ARHGAP6: variants seen among roughly 807,000 people sequenced by gnomAD.
ARHGAP6 encodes Rho GTPase activating protein 6, also known as rho GTPase-activating protein 6.
Under a neutral mutation model 55.7 loss-of-function variants are expected in ARHGAP6, and 16 were observed. The ratio of observed to expected loss-of-function variants is 0.29; its 90% CI spans 0.19 to 0.44. The LOEUF is 0.44. ARHGAP6 is among the 20% of genes least tolerant of loss of function. The pLI, the probability that ARHGAP6 is intolerant of heterozygous loss-of-function variation, is 1.00. For missense variants in ARHGAP6, 698 were observed against 808.9 expected (o/e 0.86, Z 1.66); for synonymous variants, 382 against 360.9 (o/e 1.06, Z -0.66).
chrX:11,211,886 C>A (rs2046808325), intron 2 of ARHGAP6, among the ~76,000 whole-genome samples: 1 of 111,636 alleles, frequency 9.0e-6, no homozygotes, highest in Non-Finnish European at 1.9e-5. Flanking sequence ...AGGAAAACAC[C>A]TTTAACTTAG....
intron 2 of ARHGAP6, among the ~76,000 whole-genome samples, chrX:11,230,322 C>T (rs553692331): frequency 7.2e-5 from 8 of 111,405 alleles, no homozygotes; most frequent in Admixed American, 6.7e-4. Context: ...CTCAGCCTCC[C>T]GAGTAGCTGG....
chrX:11,310,211 A>T (rs1428560759), intron 1 of ARHGAP6, among the ~76,000 whole-genome samples: 1 of 10,582 alleles, frequency 9.5e-5, no homozygotes, highest in East Asian at 1.4e-3. Context: ...GGATAGCTTT[A>T]AAAAAAAAAA....
chrX:11,621,169 C>A (rs760432473), intron 1 of ARHGAP6, among the ~76,000 whole-genome samples: 33 of 111,887 alleles, frequency 2.9e-4, no homozygotes, highest in Admixed American at 2.6e-3. Context: ...AACGGACATA[C>A]ATGAACAGAG....
intron 12 of ARHGAP6, 133 bp from the exon 13 acceptor site, chrX:11,139,663 C>A: frequency 6.3e-6 from 4 of 631,016 alleles, no homozygotes; most frequent in Non-Finnish European, 8.9e-6. Flanking sequence ...GCACAGTATG[C>A]TCTTAGCTGC....
At chrX:11,287,277 A>G (rs1405578109) in intron 1 of ARHGAP6, among the ~76,000 whole-genome samples, 1 of 111,662 alleles carries the variant, frequency 9.0e-6, no homozygotes, top group Non-Finnish European at 1.9e-5. Flanking sequence ...AGACTTATCT[A>G]TTTCCAGTTG....
chrX:11,460,577 C>T (rs915020682), intron 1 of ARHGAP6, among the ~76,000 whole-genome samples: 2 of 111,877 alleles, frequency 1.8e-5, no homozygotes, highest in African/African-American at 6.5e-5. Context: ...GAATATACTG[C>T]TCCTTAAAAA....
In ARHGAP6 at chrX:11,557,479, A is replaced by C. The variant is rs757358522; in HGVS notation, c.588+106762T>G. ...TTTTGTTTTGTGTTGTGTTTTCTGA[A>C]AGGCAAAAAAAAAAAATTATGAAGA... On this transcript the variant is annotated intron_variant, in intron 1 of 12. Transcript: ENST00000337414. 6.4e-5 allele frequency among the ~76,000 whole-genome samples: 6 copies of C among 93,943 alleles called. No homozygotes were observed. In the South Asian group the frequency reaches 2.9e-3, roughly 45 times the overall value. 81.6% of individuals were successfully genotyped at this position (93,943 alleles called of 115,157 possible).
chrX:11,190,909 C>T (rs1172296028), intron 3 of ARHGAP6, among the ~76,000 whole-genome samples: 1 of 112,413 alleles, frequency 8.9e-6, no homozygotes, highest in Non-Finnish European at 1.9e-5. Context: ...CAACTCTTCA[C>T]ACCTGCTGTA....
intron 3 of ARHGAP6, among the ~76,000 whole-genome samples, chrX:11,195,687 A>G (rs1319777797): frequency 9.1e-6 from 1 of 110,170 alleles, no homozygotes; most frequent in African/African-American, 3.3e-5. Flanking sequence ...GAAAGTGAGA[A>G]TTGAAAAACC....
chrX:11,387,808 G>GT (rs1381695861), intron 1 of ARHGAP6, among the ~76,000 whole-genome samples: 2 of 111,116 alleles, frequency 1.8e-5, no homozygotes, highest in Non-Finnish European at 3.8e-5. Flanking sequence ...GCGGTGTTTG[G>GT]TTTTTTGTCC....
intron 10 of ARHGAP6, among the ~76,000 whole-genome samples, chrX:11,150,409 T>C (rs1321917553): frequency 9.5e-6 from 1 of 105,461 alleles, no homozygotes; most frequent in East Asian, 2.8e-4. Context: ...TGTACCTCTA[T>C]ATACATGGTT....
chrX:11,567,566 A>AAAAAATATATATATATATAT (rs1440758737), intron 1 of ARHGAP6, among the ~76,000 whole-genome samples: 1 of 84,409 alleles, frequency 1.2e-5, no homozygotes, highest in South Asian at 5.4e-4. Flanking sequence ...AAAAAAAAAA[A>AAAAAATATATATATATATAT]ATATATATAT....
intron 1 of ARHGAP6, among the ~76,000 whole-genome samples, chrX:11,364,854 A>G (rs1249789332): frequency 9.0e-6 from 1 of 111,104 alleles, no homozygotes; most frequent in Non-Finnish European, 1.9e-5. Context: ...CTTTTCTGCC[A>G]TTTTGCTGTG....
chrX:11,426,558 G>T (rs758591581), intron 1 of ARHGAP6, among the ~76,000 whole-genome samples: 14 of 110,746 alleles, frequency 1.3e-4, no homozygotes, highest in African/African-American at 4.6e-4. Context: ...ATTAGCAGAT[G>T]ACAGAACAAC....
rs150533328 is a variant in ARHGAP6, at chrX:11,624,963, G to A, written c.588+39278C>T. On this transcript the variant is annotated intron_variant, in intron 1 of 12. Transcript: ENST00000337414. ...CAAATCAAACCCACAATATGATATCGTATCAACCAAATTAAAATGGCTTAT... is the reference window on the plus strand; with the variant it reads ...CAAATCAAACCCACAATATGATATCATATCAACCAAATTAAAATGGCTTAT... Among the ~76,000 whole-genome samples the A allele has an allele frequency of 3.9e-3, 433 of 111,777 alleles. 1 individual carries two copies. The highest frequency in any genetic ancestry group is 0.012 in the African/African-American group (380 of 30,765).
chrX:11,485,638 G>A (rs2050503746), intron 1 of ARHGAP6, among the ~76,000 whole-genome samples: 1 of 112,355 alleles, frequency 8.9e-6, no homozygotes, highest in African/African-American at 3.2e-5. Flanking sequence ...TCTAATAAAT[G>A]CTAAATGAAA....
chrX:11,225,683 G>T, intron 2 of ARHGAP6: 1 of 648,598 alleles, frequency 1.5e-6, no homozygotes, highest in Admixed American at 3.1e-5. Flanking sequence ...TATTTCAAGA[G>T]CAACAAAAGA....
intron 2 of ARHGAP6, among the ~76,000 whole-genome samples, chrX:11,244,187 T>A (rs1223376321): frequency 8.9e-6 from 1 of 112,049 alleles, no homozygotes; most frequent in African/African-American, 3.2e-5. Flanking sequence ...ATTACTATAA[T>A]ATTAATTTCA....
chrX:11,653,993 C>T (rs1399947152), intron 1 of ARHGAP6, among the ~76,000 whole-genome samples: 2 of 111,705 alleles, frequency 1.8e-5, no homozygotes, highest in Non-Finnish European at 3.8e-5. Context: ...CACCCATCAA[C>T]GATTATTTGA....
Sources: gnomAD v4.1 joint callset for allele counts (sites outside exome capture counted in the v4.1 genomes callset) on GRCh38, gnomAD v4.1.1 for gene constraint, MANE v1.5 for transcripts, NCBI Gene and HGNC (gene_info 2026-07-23, HGNC 2026-07-21) for gene names.